Variants in ENOX2 observed in about 807,000 individuals in gnomAD.
ENOX2 encodes the protein ecto-NOX disulfide-thiol exchanger 2.
In ENOX2, 36 loss-of-function variants were observed where a neutral mutation model predicts 45.0. The ratio of observed to expected loss-of-function variants is 0.80; its 90% confidence interval spans 0.61 to 1.06. The LOEUF is 1.06. Ranked by LOEUF, ENOX2 falls within the 50% of genes least tolerant of loss-of-function variation. The pLI is 0.00. For synonymous variants in ENOX2, 174 were observed against 152.3 expected, an observed-to-expected ratio of 1.14 and a Z score of -1.05; for missense variants, 423 against 462.5, an observed-to-expected ratio of 0.91 and a Z score of 0.78.
At chrX:130,880,738 T>C (rs1021644888) in intron 2 of ENOX2, among the ~76,000 whole-genome samples, 1 of 111,811 alleles carries the variant, frequency 8.9e-6, no homozygotes, top group African/African-American at 3.2e-5. Context: ...TTAACTCAAC[T>C]TTCTTATCCC....
intron 6 of ENOX2, among the ~76,000 whole-genome samples, chrX:130,672,740 C>G (rs1054647602): frequency 8.9e-6 from 1 of 111,942 alleles, no homozygotes; most frequent in Non-Finnish European, 1.9e-5. Flanking sequence ...AGGGTTGTGA[C>G]AGAGAAACAT....
chrX:130,754,304 T>G (rs1161278722), intron 3 of ENOX2, among the ~76,000 whole-genome samples: 1 of 112,368 alleles, frequency 8.9e-6, no homozygotes, highest in African/African-American at 3.2e-5. Context: ...TTATAGTCTT[T>G]GGCTTGCGAA....
chrX:130,890,163 T>A (rs1284207375), intron 2 of ENOX2, among the ~76,000 whole-genome samples: 1 of 111,717 alleles, frequency 9.0e-6, no homozygotes, highest in Non-Finnish European at 1.9e-5. Context: ...TTTTTTTTTG[T>A]TAGCTTCTTT....
intron 4 of ENOX2, among the ~76,000 whole-genome samples, chrX:130,698,831 T>C (rs1245953051): frequency 8.9e-6 from 1 of 111,746 alleles, no homozygotes; most frequent in East Asian, 2.8e-4. Context: ...TGAGTCCATA[T>C]TTTCCAATAT....
chrX:130,681,632 C>T (rs919219258), intron 5 of ENOX2, among the ~76,000 whole-genome samples: 1 of 111,385 alleles, frequency 9.0e-6, no homozygotes, highest in Non-Finnish European at 1.9e-5. Flanking sequence ...TTATATAACC[C>T]CTGAAAACTT....
chrX:130,873,761 G>A (rs1243510298), intron 2 of ENOX2, among the ~76,000 whole-genome samples: 1 of 110,984 alleles, frequency 9.0e-6, no homozygotes, highest in Non-Finnish European at 1.9e-5. Context: ...GGATGAAGCT[G>A]GAAACCATCC....
intron 2 of ENOX2, among the ~76,000 whole-genome samples, chrX:130,861,526 A>G (rs1197325211): frequency 2.7e-5 from 3 of 111,918 alleles, no homozygotes; most frequent in African/African-American, 9.7e-5. Context: ...TAAGCCAGAC[A>G]CAGAAGGAAA....
chrX:130,862,905 T>A (rs1313134410), intron 2 of ENOX2, among the ~76,000 whole-genome samples: 1 of 111,324 alleles, frequency 9.0e-6, no homozygotes. Flanking sequence ...TCTGACCAAT[T>A]CCTGAGCTAC....
chrX:130,749,950 G>A (rs1414869612), intron 3 of ENOX2, among the ~76,000 whole-genome samples: 1 of 109,868 alleles, frequency 9.1e-6, no homozygotes, highest in Non-Finnish European at 1.9e-5. Flanking sequence ...CCTGCTTCTT[G>A]TCACTGTATG....
chrX:130,794,705 A>C (rs2148417053), intron 2 of ENOX2, among the ~76,000 whole-genome samples: 1 of 112,364 alleles, frequency 8.9e-6, no homozygotes, highest in Non-Finnish European at 1.9e-5. Context: ...GTCTTTGGAG[A>C]GTTAATTTTA....
intron 3 of ENOX2, among the ~76,000 whole-genome samples, chrX:130,717,250 C>T (rs1004911377): frequency 3.6e-5 from 4 of 112,102 alleles, no homozygotes; most frequent in Non-Finnish European, 7.5e-5. Context: ...CACAACCCCA[C>T]CAGTTCATTG....
intron 9 of ENOX2, among the ~76,000 whole-genome samples, chrX:130,657,521 G>T (rs777009645): frequency 8.9e-6 from 1 of 111,934 alleles, no homozygotes; most frequent in African/African-American, 3.2e-5. Flanking sequence ...CAGGGGGAAA[G>T]AACTTTAAAT....
chrX:130,634,201 G>C (rs142841680), intron 12 of ENOX2, among the ~76,000 whole-genome samples: 1,765 of 111,978 alleles, frequency 0.016, 15 homozygotes, highest in Middle Eastern at 0.028. Flanking sequence ...CTCGGTCCAA[G>C]CTCCTAATCT....
chrX:130,821,742 T>TAAAAAAAAAAAAAAAAAAAAAAAAAA lies in ENOX2; in HGVS notation c.-182-38078_-182-38053dup. ...AATAAATAAAAATAAATAAATAAATTAAAAAAAAAAAAAAAAAAAAAAAAA... is the reference window on the plus strand; with the variant it reads ...AATAAATAAAAATAAATAAATAAATTAAAAAAAAAAAAAAAAAAAAAAAAAAAAAAAAAAAAAAAAAAAAAAAAAAA... On this transcript the variant is annotated intron_variant, in intron 2 of 14. Coordinates refer to ENST00000394363, the MANE Select transcript of ENOX2 (RefSeq NM_006375.4). Among the ~76,000 whole-genome samples the TAAAAAAAAAAAAAAAAAAAAAAAAAA allele has an allele frequency of 8.6e-5, 2 of 23,187 alleles. 1 individual carries two copies. Among genetic ancestry groups the TAAAAAAAAAAAAAAAAAAAAAAAAAA allele is most frequent in the Non-Finnish European group, 1.5e-4 (2 of 13,158 alleles). The allele number at this position is 23,187 out of a possible 115,157, so 20.1% of individuals were successfully genotyped here. A position where few individuals can be genotyped will look rare whatever the true frequency, so the allele number is the denominator to read the frequency against.
intron 3 of ENOX2, among the ~76,000 whole-genome samples, chrX:130,751,426 C>CT (rs1412658087): frequency 8.9e-6 from 1 of 112,010 alleles, no homozygotes; most frequent in Non-Finnish European, 1.9e-5. Flanking sequence ...GGATATATCA[C>CT]TATTTGTTTA....
chrX:130,692,484 C>T (rs1011464282), intron 4 of ENOX2, among the ~76,000 whole-genome samples: 4 of 112,485 alleles, frequency 3.6e-5, no homozygotes, highest in African/African-American at 9.7e-5. Flanking sequence ...TTGCTTTTAT[C>T]GTCTCTTCTA....
At chrX:130,752,730 CTCTT>C (rs1473694505) in intron 3 of ENOX2, among the ~76,000 whole-genome samples, 1 of 110,890 alleles carries the variant, frequency 9.0e-6, no homozygotes, top group African/African-American at 3.3e-5. Context: ...ATCTCCTCAT[CTCTT>C]TCTTTCTCTT....
chrX:130,810,577 T>C (rs1478798699), intron 2 of ENOX2, among the ~76,000 whole-genome samples: 1 of 111,530 alleles, frequency 9.0e-6, no homozygotes, highest in Non-Finnish European at 1.9e-5. Context: ...AGTAGGCCCA[T>C]GTAGTCTTAG....
chrX:130,630,025 G>A (rs2035652610), intron 13 of ENOX2, among the ~76,000 whole-genome samples: 1 of 111,666 alleles, frequency 9.0e-6, no homozygotes, highest in Non-Finnish European at 1.9e-5. Flanking sequence ...CTTTCGGGTC[G>A]GTAATATCAT....
Sources: allele counts gnomAD v4.1 joint callset (sites outside exome capture counted in the v4.1 genomes callset), GRCh38; gene constraint gnomAD v4.1.1; transcripts MANE v1.5; gene names NCBI Gene and HGNC (gene_info 2026-07-23, HGNC 2026-07-21).